Variants in NCALD observed in about 807,000 individuals in gnomAD.
NCALD encodes neurocalcin-delta.
NCALD carries 10 observed loss-of-function variants against 18.6 expected under a neutral mutation model. The ratio of observed to expected loss-of-function variants is 0.54; its 90% CI spans 0.33 to 0.91. The LOEUF (loss-of-function observed/expected upper bound fraction) is 0.91. Ranked by LOEUF, NCALD falls within the 40% of genes least tolerant of loss-of-function variation. The pLI is 0.03. For missense variants in NCALD, 184 were observed against 247.6 expected, an observed-to-expected ratio of 0.74 and a Z score of 1.72; for synonymous variants, 88 against 87.4, an observed-to-expected ratio of 1.01 and a Z score of -0.04.
At position 101,688,862 on chromosome 8, in the gene NCALD, A is replaced by G; in HGVS notation, c.*447T>C. The G allele has an allele frequency of 1.6e-6, 1 of 624,238 alleles. No individual in the cohort carries two copies. The highest frequency in any genetic ancestry group is 2.9e-6 in the Non-Finnish European group (1 of 347,864). 38.7% of individuals were successfully genotyped at this position (624,238 alleles called of 1,614,324 possible). A position where few individuals can be genotyped will look rare whatever the true frequency, so the allele number is the denominator to read the frequency against. On this transcript the variant is annotated 3_prime_UTR_variant, in exon 4 of 4. Transcript: ENST00000220931. ...AGGGTAACTTGTTCTTGGGGAATCC[A>G]GCATCCGGTGCCATCCATCACCCCT...
intron 2 of NCALD, among the ~76,000 whole-genome samples, chr8:101,699,504 A>T (rs1034486262): frequency 1.3e-5 from 2 of 152,234 alleles, no homozygotes; most frequent in Non-Finnish European, 2.9e-5. Flanking sequence ...AAGATATGTA[A>T]TCAACCCAAA....
intron 1 of NCALD, among the ~76,000 whole-genome samples, chr8:102,075,111 C>T (rs1824299816): frequency 6.6e-6 from 1 of 152,196 alleles, no homozygotes; most frequent in African/African-American, 2.4e-5. Flanking sequence ...GTAAGACACA[C>T]TGAGAAACTG....
At chr8:101,887,935 T>G (rs1001538123) in intron 3 of NCALD, among the ~76,000 whole-genome samples, 11 of 152,204 alleles carry the variant, frequency 7.2e-5, no homozygotes, top group Non-Finnish European at 1.5e-4. Flanking sequence ...GTGAATTGGC[T>G]TCACCCTCAG....
At chr8:101,898,716 T>G (rs73696550) in intron 3 of NCALD, among the ~76,000 whole-genome samples, 1 of 152,032 alleles carries the variant, frequency 6.6e-6, no homozygotes, top group African/African-American at 2.4e-5. Flanking sequence ...TGTGACTGTT[T>G]TCAAGTTCTC....
intron 2 of NCALD, among the ~76,000 whole-genome samples, chr8:101,921,011 AATG>A (rs760393853): frequency 6.6e-6 from 1 of 152,204 alleles, no homozygotes; most frequent in Non-Finnish European, 1.5e-5. Context: ...AAAAGAACTG[AATG>A]ATTAGTTAGC....
chr8:102,048,181 G>T (rs1443893058), intron 1 of NCALD, among the ~76,000 whole-genome samples: 1 of 152,116 alleles, frequency 6.6e-6, no homozygotes, highest in Non-Finnish European at 1.5e-5. Context: ...TTTATTTCTT[G>T]ACCAAGAAAT....
At chr8:101,902,912 C>T (rs950072651) in intron 3 of NCALD, among the ~76,000 whole-genome samples, 3 of 152,148 alleles carry the variant, frequency 2.0e-5, no homozygotes, top group Non-Finnish European at 4.4e-5. Flanking sequence ...TTCACTTTCA[C>T]CAACAACTGT....
intron 3 of NCALD, among the ~76,000 whole-genome samples, chr8:101,911,986 T>C (rs1472093156): frequency 6.6e-6 from 1 of 152,192 alleles, no homozygotes; most frequent in Non-Finnish European, 1.5e-5. Flanking sequence ...GACAGTTTAG[T>C]GTTATAAAGA....
chr8:101,886,651 G>A (rs1816684881), intron 4 of NCALD, among the ~76,000 whole-genome samples: 4 of 152,114 alleles, frequency 2.6e-5, no homozygotes, highest in Non-Finnish European at 5.9e-5. Context: ...ACTATTGCTG[G>A]TGCTGCTGCC....
chr8:101,831,915 G>T (rs1171321076), intron 4 of NCALD, among the ~76,000 whole-genome samples: 1 of 152,184 alleles, frequency 6.6e-6, no homozygotes, highest in African/African-American at 2.4e-5. Flanking sequence ...CTGTTCCCAC[G>T]AAGCAGCCAT....
chr8:101,966,895 G>C (rs969835895), intron 2 of NCALD, among the ~76,000 whole-genome samples: 1 of 152,044 alleles, frequency 6.6e-6, no homozygotes. Flanking sequence ...TTATACAAGA[G>C]AATGCACCCA....
At chr8:101,761,307 T>A (rs1455361733) in intron 1 of NCALD, among the ~76,000 whole-genome samples, 1 of 152,226 alleles carries the variant, frequency 6.6e-6, no homozygotes, top group Non-Finnish European at 1.5e-5. Context: ...CATCCAATCA[T>A]CTGGAACATG....
chr8:102,098,938 G>GT (rs1157739399), intron 1 of NCALD, among the ~76,000 whole-genome samples: 12 of 152,152 alleles, frequency 7.9e-5, no homozygotes, highest in Non-Finnish European at 1.8e-4. Context: ...TACTATAGAA[G>GT]TTTTTTTCCT....
intron 3 of NCALD, among the ~76,000 whole-genome samples, chr8:101,898,987 T>G (rs1817316093): frequency 6.6e-6 from 1 of 152,086 alleles, no homozygotes; most frequent in African/African-American, 2.4e-5. Context: ...ACTGACATCT[T>G]TACTAAGTTG....
In NCALD at chr8:101,860,415, T is replaced by G. The variant is rs1054397631; in HGVS notation, c.-20+26726A>C. On this transcript the variant is annotated intron_variant, in intron 4 of 6. Coordinates refer to the NCALD transcript ENST00000311028. ...GGTTTAGAGAATAATCACTCCTGATTGACACAGGAGAGCAGAGAGTTCCAT... is the reference window on the plus strand; with the variant it reads ...GGTTTAGAGAATAATCACTCCTGATGGACACAGGAGAGCAGAGAGTTCCAT... Among the ~76,000 whole-genome samples, 10 of 152,162 alleles carry G rather than the reference T, an allele frequency of 6.6e-5. 1 individual carries two copies. In the East Asian group the frequency reaches 1.3e-3, roughly 21 times the overall value.
chr8:101,782,535 G>A lies in NCALD; in HGVS notation c.-20+8327C>T, dbSNP rs547693927. ...GTCTATCAGATCAAATCCAGCTTAAGTGGATAAATCCTAGATCCTCCATGG... is the reference window on the plus strand; with the variant it reads ...GTCTATCAGATCAAATCCAGCTTAAATGGATAAATCCTAGATCCTCCATGG... On this transcript the variant is annotated intron_variant, in intron 1 of 3. Coordinates refer to ENST00000220931, the MANE Select transcript of NCALD (RefSeq NM_032041.3). Among the ~76,000 whole-genome samples, 5 of 152,176 alleles carry A rather than the reference G, an allele frequency of 3.3e-5. No homozygotes were observed. In the South Asian group the frequency reaches 1.0e-3, roughly 32 times the overall value.
chr8:101,716,747 T>C (rs1336987036), intron 2 of NCALD, among the ~76,000 whole-genome samples: 1 of 152,152 alleles, frequency 6.6e-6, no homozygotes, highest in Non-Finnish European at 1.5e-5. Flanking sequence ...ATTAAGAATA[T>C]TGAGATGGAA....
chr8:101,732,752 C>T (rs567124325), intron 1 of NCALD, among the ~76,000 whole-genome samples: 5 of 151,608 alleles, frequency 3.3e-5, no homozygotes, highest in East Asian at 3.9e-4. Flanking sequence ...TTCAGGCATA[C>T]GCCGCCACAC....
At chr8:102,071,900 C>T (rs1269699918) in intron 1 of NCALD, among the ~76,000 whole-genome samples, 1 of 152,198 alleles carries the variant, frequency 6.6e-6, no homozygotes, top group Admixed American at 6.5e-5. Flanking sequence ...TTCTCACAAA[C>T]TGACCTATGG....
Sources: gnomAD v4.1 joint callset for allele counts (sites outside exome capture counted in the v4.1 genomes callset) on GRCh38, gnomAD v4.1.1 for gene constraint, MANE v1.5 for transcripts, NCBI Gene and HGNC (gene_info 2026-07-23, HGNC 2026-07-21) for gene names.